The following SETX variants were observed in gnomAD, a reference collection of about 807,000 sequenced individuals.
SETX encodes the protein helicase senataxin.
A neutral mutation model predicts 227.2 loss-of-function variants in SETX; 90 were observed. The observed-to-expected ratio is 0.40, with a 90% CI of 0.33 to 0.47. The LOEUF (loss-of-function observed/expected upper bound fraction) is 0.47. Among genes scored for constraint, SETX ranks in the 20% least tolerant of loss-of-function variants. The pLI is 0.91. For synonymous variants in SETX, 1,210 were observed against 1,113.2 expected (o/e 1.09, Z -1.73); for missense variants, 3,052 against 3,181.5 (o/e 0.96, Z 0.98).
At chr9:132,300,557 A>G in intron 12 of SETX, 73 bp downstream of exon 12, 1 of 1,485,138 alleles carries the variant, frequency 6.7e-7, no homozygotes, top group Non-Finnish European at 9.4e-7. Context: ...CACTTGATAT[A>G]CACAATTGAG....
chr9:132,338,995 TCAAA>T (rs1332955145), intron 5 of SETX, among the ~76,000 whole-genome samples: 3 of 152,174 alleles, frequency 2.0e-5, no homozygotes. Context: ...ATTCTTGGCT[TCAAA>T]CAATCCTCCA....
intron 5 of SETX, among the ~76,000 whole-genome samples, chr9:132,337,717 A>C (rs1287892967): frequency 6.6e-6 from 1 of 152,206 alleles, no homozygotes; most frequent in Non-Finnish European, 1.5e-5. Flanking sequence ...ATTACTGTAC[A>C]ATCAATGTCA....
intron 10 of SETX, 48 bp from the exon 11 acceptor site, chr9:132,311,904 G>GA (rs766665324): frequency 7.4e-7 from 1 of 1,357,536 alleles, no homozygotes; most frequent in Non-Finnish European, 1.0e-6. Flanking sequence ...TCTGGAAAGT[G>GA]ATGCTAAATA....
intron 11 of SETX, among the ~76,000 whole-genome samples, chr9:132,302,095 C>T (rs1188693529): frequency 3.3e-5 from 5 of 152,220 alleles, no homozygotes; most frequent in African/African-American, 4.8e-5. Context: ...CAGTGGCTCA[C>T]GCCTGTAATC....
chr9:132,307,678 ATTTTTTT>A (rs535908148), intron 11 of SETX, among the ~76,000 whole-genome samples: 1 of 135,456 alleles, frequency 7.4e-6, no homozygotes. Context: ...CTTACTAGTG[ATTTTTTT>A]TTTTTTTTTT....
chr9:132,310,520 G>T (rs1363916037), intron 11 of SETX, among the ~76,000 whole-genome samples: 1 of 152,164 alleles, frequency 6.6e-6, no homozygotes, highest in African/African-American at 2.4e-5. Flanking sequence ...TCCTTCAAAA[G>T]ACCTGCTTGC....
chr9:132,270,001 G>A (rs1842824210), intron 24 of SETX, among the ~76,000 whole-genome samples: 1 of 3,830 alleles, frequency 2.6e-4, no homozygotes. Context: ...ATCCTCATGT[G>A]AGACACAGGT....
At chr9:132,332,941 G>T (rs898899829) in intron 7 of SETX, among the ~76,000 whole-genome samples, 3 of 148,794 alleles carry the variant, frequency 2.0e-5, no homozygotes, top group African/African-American at 4.9e-5. Flanking sequence ...AAAGGTGTTT[G>T]TTTTTTTTTA....
chr9:132,323,241 G>C (rs1044766511), intron 10 of SETX, among the ~76,000 whole-genome samples: 2 of 152,130 alleles, frequency 1.3e-5, no homozygotes, highest in African/African-American at 2.4e-5. Context: ...CAAATTTATA[G>C]ATTAACTAAC....
intron 24 of SETX, among the ~76,000 whole-genome samples, chr9:132,270,463 C>T (rs1842854038): frequency 6.6e-6 from 1 of 152,232 alleles, no homozygotes; most frequent in Non-Finnish European, 1.5e-5. Context: ...AGGTGGACTG[C>T]AGGCAGCTTT....
At chr9:132,355,525 G>C (rs1417131368), upstream of SETX, among the ~76,000 whole-genome samples, 1 of 152,240 alleles carries the variant, frequency 6.6e-6, no homozygotes, top group Non-Finnish European at 1.5e-5. Flanking sequence ...TGCGAACAAT[G>C]CGCGCGATGC....
chr9:132,278,374 T>G (rs911832984), intron 20 of SETX, 117 bp from the exon 21 acceptor site: 1 of 926,482 alleles, frequency 1.1e-6, no homozygotes, highest in Non-Finnish European at 1.7e-6. Context: ...TAGCATAAGA[T>G]TACCAACCAC....
intron 11 of SETX, among the ~76,000 whole-genome samples, chr9:132,309,701 G>A (rs1207861722): frequency 1.3e-5 from 2 of 151,942 alleles, no homozygotes; most frequent in African/African-American, 2.4e-5. Flanking sequence ...AAAAAAAAGG[G>A]GGAACATAAA....
Position 132,331,279 on chromosome 9 carries a change from T to C in SETX, c.1008A>G (p.Val336=), listed in dbSNP as rs1847217986. Reference sequence around the variant, plus strand: ...ATCCTGACATTAGCTGAACTAACCTTACAGAGCTGTTCCGTATATGTCGGA... The same window carrying C: ...ATCCTGACATTAGCTGAACTAACCTCACAGAGCTGTTCCGTATATGTCGGA... ...REIRHIRNSS[V]RTKLEPESYL... is the part of the protein sequence containing the mutation. Residue 336 remains valine, a splice_region_variant and synonymous_variant, in exon 8 of 26, where the codon GTA becomes GTG. Transcript: ENST00000224140. 6.2e-7 allele frequency: 1 copy of C among 1,614,110 alleles called. No homozygotes were observed. The highest frequency in any genetic ancestry group is 8.5e-7 in the Non-Finnish European group (1 of 1,179,984).
rs753492988 is a variant in SETX, at chr9:132,288,384, TATTCTA to T, written c.6209-39_6209-34del. On this transcript the variant is annotated intron_variant, in intron 16 of 25. Coordinates refer to ENST00000224140, the MANE Select transcript of SETX (RefSeq NM_015046.7). ...AAATAACAAATAAAAAATTATATGCTATTCTAATTCTAACAAACTCACACACATATA... is the reference window on the plus strand; with the variant it reads ...AAATAACAAATAAAAAATTATATGCTATTCTAACAAACTCACACACATATA... 278 of 1,530,024 alleles carry T rather than the reference TATTCTA, an allele frequency of 1.8e-4. 2 individuals carry two copies. The highest frequency in any genetic ancestry group is 1.0e-4 in the Admixed American group (6 of 58,786). 94.8% of individuals were successfully genotyped at this position (1,530,024 alleles called of 1,614,324 possible). A position where few individuals can be genotyped will look rare whatever the true frequency, so the allele number is the denominator to read the frequency against.
intron 11 of SETX, 107 bp downstream of exon 11, chr9:132,311,650 G>C (rs761424736): frequency 4.2e-5 from 32 of 768,732 alleles, no homozygotes; most frequent in Non-Finnish European, 1.1e-5. Context: ...CACAAATTTA[G>C]CTTAGAAAAT....
At chr9:132,299,652 G>A (rs77119928) in intron 12 of SETX, among the ~76,000 whole-genome samples, 105 of 152,256 alleles carry the variant, frequency 6.9e-4, no homozygotes, top group African/African-American at 2.4e-3. Flanking sequence ...TGCCAAAAAG[G>A]CAGTTTGGCA....
intron 10 of SETX, among the ~76,000 whole-genome samples, chr9:132,315,157 T>A (rs1845896421): frequency 6.6e-6 from 1 of 152,120 alleles, no homozygotes; most frequent in South Asian, 2.1e-4. Context: ...CAAGTGATGA[T>A]CCGCCTACTG....
chr9:132,300,676 G>C lies in SETX; in HGVS notation c.5502C>G (p.His1834Gln), dbSNP rs117410554. Residue 1834 changes from histidine (H) to glutamine (Q), a missense_variant, in exon 12 of 26, where the codon CAC becomes CAG. Transcript: ENST00000224140. Reference protein sequence around the residue: ...DTERNDIQDLHEYHSGYVHKF... With the variant: ...DTERNDIQDLQEYHSGYVHKF... The stretch of plus-strand genomic sequence containing the variant: ...TATGAACATAACCAGAATGATATTC[G>C]TGGAGATCTTGTATGTCATTTCTCT... 2 of 1,613,684 alleles carry C rather than the reference G, an allele frequency of 1.2e-6. No homozygotes were observed. Among genetic ancestry groups the C allele is most frequent in the Admixed American group, 1.7e-5 (1 of 59,988 alleles).
Sources: gnomAD v4.1 joint callset for allele counts (sites outside exome capture counted in the v4.1 genomes callset) on GRCh38, gnomAD v4.1.1 for gene constraint, MANE v1.5 for transcripts, NCBI Gene and HGNC (gene_info 2026-07-23, HGNC 2026-07-21) for gene names.